The following FAM227B variants were observed in gnomAD, a reference collection of about 807,000 sequenced individuals.
FAM227B encodes protein FAM227B.
FAM227B carries 88 observed loss-of-function variants against 73.8 expected under a neutral mutation model. The observed-to-expected ratio is 1.19, with a 90% CI of 1.00 to 1.42. The LOEUF (loss-of-function observed/expected upper bound fraction) is 1.42, where lower values mean the gene tolerates loss of function less well. Among genes scored for constraint, FAM227B ranks in the 40% most tolerant of loss-of-function variants. The pLI is 0.00. For synonymous variants in FAM227B, 210 were observed against 190.5 expected, an observed-to-expected ratio of 1.10 and a Z score of -0.84; for missense variants, 632 against 590.9, an observed-to-expected ratio of 1.07 and a Z score of -0.72.
chr15:49,366,463 G>T (rs1315474233), intron 13 of FAM227B: 3 of 1,014,512 alleles, frequency 3.0e-6, no homozygotes, highest in African/African-American at 3.1e-5. Flanking sequence ...CATCAGAAAG[G>T]TTGCATAGTG....
intron 13 of FAM227B, among the ~76,000 whole-genome samples, chr15:49,357,221 A>C (rs2043304622): frequency 6.6e-6 from 1 of 150,418 alleles, no homozygotes; most frequent in African/African-American, 2.5e-5. Context: ...AGAAGGCAAG[A>C]AATAACTAAA....
intron 11 of FAM227B, among the ~76,000 whole-genome samples, chr15:49,386,455 T>A (rs893905621): frequency 1.3e-5 from 2 of 151,762 alleles, no homozygotes; most frequent in Admixed American, 6.6e-5. Flanking sequence ...TTGAATTGAA[T>A]GATGATAATG....
At chr15:49,592,359 G>A (rs539374036) in intron 3 of FAM227B, among the ~76,000 whole-genome samples, 1 of 152,168 alleles carries the variant, frequency 6.6e-6, no homozygotes, top group Non-Finnish European at 1.5e-5. Context: ...TGGTGTGGAT[G>A]TCCTTTTTGT....
chr15:49,460,375 A>G (rs1413217932), intron 11 of FAM227B, among the ~76,000 whole-genome samples: 2 of 152,172 alleles, frequency 1.3e-5, no homozygotes, highest in Non-Finnish European at 2.9e-5. Flanking sequence ...GGAATGACAT[A>G]TAATTTACTT....
chr15:49,338,006 TTG>T (rs1480969766), intron 13 of FAM227B, among the ~76,000 whole-genome samples: 1 of 152,338 alleles, frequency 6.6e-6, no homozygotes, highest in East Asian at 1.9e-4. Flanking sequence ...TTATAATCCT[TTG>T]TGTATATACC....
At chr15:49,375,522 C>T (rs948586423) in intron 11 of FAM227B, among the ~76,000 whole-genome samples, 22 of 151,732 alleles carry the variant, frequency 1.4e-4, no homozygotes, top group Non-Finnish European at 2.9e-4. Context: ...TTATAAGAAC[C>T]AAAGTGACAA....
intron 11 of FAM227B, chr15:49,425,427 G>A (rs1216356802): frequency 2.0e-5 from 3 of 151,876 alleles, no homozygotes; most frequent in African/African-American, 7.3e-5. Flanking sequence ...TAAATGTAAT[G>A]GAATAAGATA....
At chr15:49,537,618 A>G (rs1339443528) in intron 10 of FAM227B, among the ~76,000 whole-genome samples, 1 of 152,182 alleles carries the variant, frequency 6.6e-6, no homozygotes, top group East Asian at 1.9e-4. Flanking sequence ...CTGCACTCCC[A>G]TGTTCATTGC....
Position 49,575,045 on chromosome 15 carries a change from T to C in FAM227B, c.611A>G (p.Asp204Gly), listed in dbSNP as rs776805611. ...LSEASIALLH[D>G]SFWWWFLHKF... Reference sequence around the variant, plus strand: ...ATGGAGAAACCACCACCAAAAGGAGTCATGCAAAAGAGCAATGGAGGCTTC... The same window carrying C: ...ATGGAGAAACCACCACCAAAAGGAGCCATGCAAAAGAGCAATGGAGGCTTC... Residue 204 changes from aspartate (D) to glycine (G), a missense_variant, in exon 8 of 16, where the codon GAC becomes GGC. Coordinates refer to ENST00000299338, the MANE Select transcript of FAM227B (RefSeq NM_152647.3). The C allele has an allele frequency of 1.9e-6, 3 of 1,598,090 alleles. No individual in the cohort carries two copies. Among genetic ancestry groups the C allele is most frequent in the South Asian group, 2.3e-5 (2 of 88,716 alleles).
chr15:49,504,541 A>T (rs2058427995), intron 11 of FAM227B, among the ~76,000 whole-genome samples: 2 of 152,190 alleles, frequency 1.3e-5, no homozygotes, highest in South Asian at 4.2e-4. Flanking sequence ...CCCAGGTCCC[A>T]CCCTAGACCC....
intron 11 of FAM227B, among the ~76,000 whole-genome samples, chr15:49,404,266 C>A (rs987858323): frequency 7.2e-5 from 11 of 152,162 alleles, no homozygotes; most frequent in African/African-American, 2.7e-4. Context: ...CTGTAAATAT[C>A]TATCAGGTCC....
At chr15:49,608,441 G>C (rs1483638658) in intron 3 of FAM227B, among the ~76,000 whole-genome samples, 2 of 151,968 alleles carry the variant, frequency 1.3e-5, no homozygotes, top group African/African-American at 4.8e-5. Context: ...GAATATATGG[G>C]TAAGTCTTCA....
chr15:49,333,167 GAT>G (rs2039100327), intron 14 of FAM227B, among the ~76,000 whole-genome samples: 2 of 152,174 alleles, frequency 1.3e-5, no homozygotes, highest in East Asian at 1.9e-4. Flanking sequence ...GTTTTATTGA[GAT>G]ATGTTACATA....
intron 11 of FAM227B, among the ~76,000 whole-genome samples, chr15:49,448,540 A>G (rs866946728): frequency 6.6e-6 from 1 of 151,798 alleles, no homozygotes; most frequent in Non-Finnish European, 1.5e-5. Flanking sequence ...CAAAATTCAC[A>G]GAAAAATGAT....
intron 10 of FAM227B, among the ~76,000 whole-genome samples, chr15:49,511,054 A>C (rs1207671745): frequency 2.6e-5 from 4 of 151,998 alleles, no homozygotes; most frequent in Non-Finnish European, 5.9e-5. Context: ...TGTCCTAAGC[A>C]CTAGATAACC....
At chr15:49,513,036 G>A (rs2059126916) in intron 10 of FAM227B, among the ~76,000 whole-genome samples, 1 of 152,052 alleles carries the variant, frequency 6.6e-6, no homozygotes, top group African/African-American at 2.4e-5. Context: ...TCATGTCTTT[G>A]ATATTGTGAA....
At chr15:49,443,317 A>G (rs553244581) in intron 11 of FAM227B, among the ~76,000 whole-genome samples, 16 of 151,522 alleles carry the variant, frequency 1.1e-4, no homozygotes, top group Non-Finnish European at 2.2e-4. Context: ...TTTCTAATGT[A>G]TTTATATGAT....
At chr15:49,510,463 A>G (rs952374615) in intron 10 of FAM227B, among the ~76,000 whole-genome samples, 2 of 152,110 alleles carry the variant, frequency 1.3e-5, no homozygotes, top group African/African-American at 2.4e-5. Flanking sequence ...ACTTAGCTCC[A>G]AACTGCTCCC....
intron 11 of FAM227B, among the ~76,000 whole-genome samples, chr15:49,426,109 A>G (rs541597651): frequency 4.6e-5 from 7 of 151,856 alleles, no homozygotes; most frequent in Middle Eastern, 3.4e-3. Flanking sequence ...GGTAAAAATT[A>G]TGACACATGG....
Sources: allele counts gnomAD v4.1 joint callset (sites outside exome capture counted in the v4.1 genomes callset), GRCh38; gene constraint gnomAD v4.1.1; transcripts MANE v1.5; gene names NCBI Gene and HGNC (gene_info 2026-07-23, HGNC 2026-07-21).